VAC14: variants seen among roughly 807,000 people sequenced by gnomAD.
VAC14 encodes the protein protein VAC14 homolog.
In VAC14, 47 loss-of-function variants were observed where a neutral mutation model predicts 85.3. The ratio of observed to expected loss-of-function variants is 0.55; its 90% confidence interval spans 0.44 to 0.70. The LOEUF (loss-of-function observed/expected upper bound fraction) is 0.70. Ranked by LOEUF, VAC14 falls within the 30% of genes least tolerant of loss-of-function variation. VAC14 has a pLI of 0.00. For missense variants in VAC14, 861 were observed against 1,004.3 expected (o/e 0.86, Z 1.93); for synonymous variants, 447 against 430.5 (o/e 1.04, Z -0.47).
chr16:70,800,906 C>A lies in VAC14; in HGVS notation c.-6G>T. 6.3e-7 allele frequency: 1 copy of A among 1,575,562 alleles called. No homozygotes were observed. Among genetic ancestry groups the A allele is most frequent in the Non-Finnish European group, 8.6e-7 (1 of 1,159,608 alleles). ...AAATCCTTCTCGGGGTTCATGGTGG[C>A]AGCTGGGGGAACCTCGCGACTCCTT... On this transcript the variant is annotated 5_prime_UTR_variant, in exon 1 of 19. Transcript: ENST00000261776.
At chr16:70,735,021 G>T (rs2054705892) in intron 13 of VAC14, among the ~76,000 whole-genome samples, 1 of 152,118 alleles carries the variant, frequency 6.6e-6, no homozygotes, top group Non-Finnish European at 1.5e-5. Flanking sequence ...AGATTAGGAG[G>T]TGGTGCCTTG....
chr16:70,763,128 T>A, intron 10 of VAC14, 103 bp from the exon 11 acceptor site: 1 of 1,526,352 alleles, frequency 6.6e-7, no homozygotes, highest in Non-Finnish European at 8.9e-7. Flanking sequence ...AGTCACACAC[T>A]GCTAACCACC....
intron 12 of VAC14, among the ~76,000 whole-genome samples, chr16:70,760,001 C>G (rs971842247): frequency 2.0e-5 from 3 of 152,210 alleles, no homozygotes; most frequent in Non-Finnish European, 4.4e-5. Flanking sequence ...AGAGAACCGT[C>G]GTGAGGGTTC....
chr16:70,709,581 C>T (rs1229596888), intron 14 of VAC14, among the ~76,000 whole-genome samples: 1 of 152,164 alleles, frequency 6.6e-6, no homozygotes, highest in African/African-American at 2.4e-5. Context: ...GGTTTGTCTC[C>T]AAGGGTACGA....
chr16:70,688,990 G>A (rs1162340524), intron 18 of VAC14: 2 of 985,392 alleles, frequency 2.0e-6, no homozygotes, highest in Non-Finnish European at 2.4e-6. Context: ...AGGGGTCTCA[G>A]GAAGACTGTG....
chr16:70,743,517 A>G lies in VAC14; in HGVS notation c.1528+906T>C, dbSNP rs143582107. Among the ~76,000 whole-genome samples, 1,406 of 152,322 alleles carry G rather than the reference A, an allele frequency of 9.2e-3. 18 individuals are homozygous for G. The highest frequency in any genetic ancestry group is 0.032 in the African/African-American group (1,335 of 41,576). On this transcript the variant is annotated intron_variant, in intron 13 of 18. Transcript: ENST00000261776. ...ACTTGCCGCAAAGGTCCGTGGCTTC[A>G]TTCTTGAAGTCAGCAAGACCACGAA...
chr16:70,779,254 C>G (rs2033690059), intron 9 of VAC14: 1 of 152,214 alleles, frequency 6.6e-6, no homozygotes. Flanking sequence ...GGAGGTGGGG[C>G]ATGCATGCTT....
At chr16:70,733,896 G>T (rs1321820305) in intron 13 of VAC14, among the ~76,000 whole-genome samples, 2 of 152,114 alleles carry the variant, frequency 1.3e-5, no homozygotes, top group Non-Finnish European at 2.9e-5. Flanking sequence ...CACGGTCTTG[G>T]CTCACTGCAA....
chr16:70,691,414 A>G lies in VAC14; in HGVS notation c.2186+1407T>C, dbSNP rs115021889. Reference sequence around the variant, plus strand: ...TTGACCCTAACACTATGGGGCGTTGAAGGGCCAAGGCAAAGGCTGGGCCAG... The same window carrying G: ...TTGACCCTAACACTATGGGGCGTTGGAGGGCCAAGGCAAAGGCTGGGCCAG... On this transcript the variant is annotated intron_variant, in intron 18 of 18. Transcript: ENST00000261776. The G allele has an allele frequency of 4.6e-3, 4,566 of 985,412 alleles. 163 individuals are homozygous for G. In the African/African-American group the frequency reaches 0.074, roughly 16 times the overall value. The allele number at this position is 985,412 out of a possible 1,614,324, so 61.0% of individuals were successfully genotyped here.
Position 70,786,247 on chromosome 16 carries a change from C to T in VAC14, c.223G>A (p.Gly75Ser), listed in dbSNP as rs781444179. 7 of 1,614,116 alleles carry T rather than the reference C, an allele frequency of 4.3e-6. No individual in the cohort carries two copies. Among genetic ancestry groups the T allele is most frequent in the African/African-American group, 4.0e-5 (3 of 74,936 alleles). The change falls in exon 2 of 19, where the codon GGC (glycine) becomes AGC (serine). Residue 75 changes from glycine (G) to serine (S), a missense_variant. Transcript: ENST00000261776. Reference sequence around the variant, plus strand: ...AGTGCGATGGAGCAGGCGGCCAGGCCGATGAGGCCCCCTTTCCGGCTGTGG... The same window carrying T: ...AGTGCGATGGAGCAGGCGGCCAGGCTGATGAGGCCCCCTTTCCGGCTGTGG... ...HPHSRKGGLIGLAACSIALGK... is the reference protein window; with the variant it reads ...HPHSRKGGLISLAACSIALGK...
chr16:70,712,111 T>G (rs1331594825), intron 14 of VAC14, among the ~76,000 whole-genome samples: 1 of 152,022 alleles, frequency 6.6e-6, no homozygotes, highest in East Asian at 1.9e-4. Context: ...AAAATTCCTT[T>G]TGTGATCAGC....
intron 1 of VAC14, among the ~76,000 whole-genome samples, chr16:70,787,290 C>T (rs557528839): frequency 3.9e-5 from 6 of 152,184 alleles, no homozygotes; most frequent in Admixed American, 2.0e-4. Context: ...TGGGAAAGTG[C>T]AGCAGGGACT....
At chr16:70,775,156 G>A (rs1314213446) in intron 9 of VAC14, among the ~76,000 whole-genome samples, 1 of 152,082 alleles carries the variant, frequency 6.6e-6, no homozygotes, top group Non-Finnish European at 1.5e-5. Flanking sequence ...TTATTCCGTG[G>A]GTTACAAATC....
chr16:70,783,237 G>A (rs1229330077), intron 6 of VAC14, 98 bp from the exon 7 acceptor site: 1 of 1,338,294 alleles, frequency 7.5e-7, no homozygotes, highest in Non-Finnish European at 1.0e-6. Context: ...GCCACCCAGA[G>A]GGCGGCTTGG....
rs769531716 is a variant in VAC14, at chr16:70,762,264, C to T, written c.1371+276G>A. ...CTGGGAGTACAGGCGTGCACCACCA[C>T]GCCCGGCTAATTTTTGTATTTTGAG... On this transcript the variant is annotated intron_variant, in intron 12 of 18. Coordinates refer to ENST00000261776, the MANE Select transcript of VAC14 (RefSeq NM_018052.5). This position sits in a 1 kb window ranked among gnomAD's most constrained non-coding sequence, Gnocchi z 4.1. Among the ~76,000 whole-genome samples, 7 of 152,114 alleles carry T rather than the reference C, an allele frequency of 4.6e-5. No individual in the cohort carries two copies. The highest frequency in any genetic ancestry group is 1.0e-4 in the Non-Finnish European group (7 of 68,028).
rs1350314655 is a variant in VAC14, at chr16:70,785,734, G to A, written c.391C>T (p.His131Tyr). 1.3e-6 allele frequency: 2 copies of A among 1,568,632 alleles called. No individual in the cohort carries two copies. Among genetic ancestry groups the A allele is most frequent in the East Asian group, 2.3e-5 (1 of 42,764 alleles). The change falls in exon 3 of 19, where the codon CAC (histidine) becomes TAC (tyrosine). Residue 131 changes from histidine to tyrosine, a missense_variant. Around this residue, in one of 3 missense-constraint regions of VAC14, gnomAD observed 629 missense variants for 703.1 expected, o/e 0.89. Transcript: ENST00000261776. ...AGCCCGTCAAAGAGCACGTTGAAGT[G>A]GGGCAGCACAGCGCCCCGGGCCACC... is the stretch of plus-strand genomic sequence containing the variant. ...VKVARGAVLP[H>Y]FNVLFDGLSK...
Position 70,733,344 on chromosome 16 carries a change from A to C in VAC14, c.1529-1717T>G, listed in dbSNP as rs181485095. Among the ~76,000 whole-genome samples, 199 of 152,212 alleles carry C rather than the reference A, an allele frequency of 1.3e-3. 2 individuals are homozygous for C. Among genetic ancestry groups the C allele is most frequent in the Non-Finnish European group, 9.8e-4 (67 of 68,032 alleles). ...GAATAATATTCCACTTTATATTCCA[A>C]AATATGGAATACGGCTATTCTATAT... On this transcript the variant is annotated intron_variant, in intron 13 of 18. Coordinates refer to ENST00000261776, the MANE Select transcript of VAC14 (RefSeq NM_018052.5).
rs562572703 is a variant in VAC14 at position 70,757,701 on chromosome 16, T to C, written c.1371+4839A>G. Among the ~76,000 whole-genome samples the C allele has an allele frequency of 3.4e-4, 52 of 152,314 alleles. No homozygotes were observed. In the South Asian group the frequency reaches 8.9e-3, roughly 26 times the overall value. ...GGACCCGGAGCAGATGCAGAGCCCA[T>C]TGCCCTGATCTCAATGTGCATCTCC... On this transcript the variant is annotated intron_variant, in intron 12 of 18. Transcript: ENST00000261776.
At chr16:70,724,326 C>T (rs1435394252) in intron 14 of VAC14, among the ~76,000 whole-genome samples, 1 of 152,208 alleles carries the variant, frequency 6.6e-6, no homozygotes, top group African/African-American at 2.4e-5. Context: ...GACCACCCCC[C>T]ACTCCATCTC....
Sources: gnomAD v4.1 joint callset for allele counts (sites outside exome capture counted in the v4.1 genomes callset) on GRCh38, gnomAD v4.1.1 for gene constraint, gnomAD v4.1.1 regional missense constraint, Gnocchi (gnomAD v3.1) non-coding constraint, MANE v1.5 for transcripts, NCBI Gene and HGNC (gene_info 2026-07-23, HGNC 2026-07-21) for gene names.